LRIG3: variants seen among roughly 807,000 people sequenced by gnomAD.
LRIG3 encodes the protein leucine rich repeats and immunoglobulin like domains 3.
A neutral mutation model predicts 114.5 loss-of-function variants in LRIG3; 76 were observed. That is an observed-to-expected ratio of 0.66 (90% CI 0.55 to 0.80). The LOEUF (loss-of-function observed/expected upper bound fraction) is 0.80, where lower values mean the gene tolerates loss of function less well. Ranked by LOEUF, LRIG3 falls within the 30% of genes least tolerant of loss-of-function variation. LRIG3 has a pLI of 0.00. For missense variants in LRIG3, 1,239 were observed against 1,382.8 expected (o/e 0.90, Z 1.65); for synonymous variants, 512 against 519.8 (o/e 0.98, Z 0.20).
intron 3 of LRIG3, among the ~76,000 whole-genome samples, chr12:58,897,169 G>C (rs1388434870): frequency 2.0e-5 from 3 of 152,256 alleles, no homozygotes; most frequent in Non-Finnish European, 4.4e-5. Context: ...GTTTAGACTG[G>C]TCCATTGGTA....
Position 58,916,150 on chromosome 12 carries a change from G to A in LRIG3, c.237-1814C>T, listed in dbSNP as rs530429540. Among the ~76,000 whole-genome samples the A allele has an allele frequency of 1.0e-3, 156 of 150,818 alleles. 1 individual carries two copies. Among genetic ancestry groups the A allele is most frequent in the African/African-American group, 3.5e-3 (145 of 41,304 alleles). On this transcript the variant is annotated intron_variant, in intron 1 of 18. Transcript: ENST00000320743. ...GGCAATCCTGTGAGAGAAATGAGAC[G>A]GAGTGCTTAACTTTTTTCAACTAGT...
intron 16 of LRIG3, among the ~76,000 whole-genome samples, chr12:58,875,619 T>C (rs1870890501): frequency 1.3e-5 from 2 of 152,240 alleles, no homozygotes; most frequent in African/African-American, 4.8e-5. Context: ...CACCAGAAAG[T>C]ATTGTATGTG....
Position 58,876,599 on chromosome 12 carries a change from C to T in LRIG3, c.2541G>A (p.Glu847=), listed in dbSNP as rs751959000. The change falls in exon 16 of 19, where the codon GAG becomes GAA. Residue 847 remains glutamate (E), a synonymous_variant. Transcript: ENST00000320743. Reference sequence around the variant, plus strand: ...TAGGAATATCTGCTGGCAAGTTGGTCTCATCTGTAATAAAACAGCAGCATT... The same window carrying T: ...TAGGAATATCTGCTGGCAAGTTGGTTTCATCTGTAATAAAACAGCAGCATT... ...NEDCSITNTD[E]TNLPADIPSY... 6.8e-6 allele frequency: 11 copies of T among 1,613,994 alleles called. No homozygotes were observed. The African/African-American group carries it at 1.1e-4, about 16-fold the overall frequency.
intron 12 of LRIG3, among the ~76,000 whole-genome samples, chr12:58,881,226 T>C (rs1871118523): frequency 6.6e-6 from 1 of 152,180 alleles, no homozygotes; most frequent in Non-Finnish European, 1.5e-5. Context: ...GAAAGCAGTT[T>C]AAAAACTTCC....
At chr12:58,889,102 T>C in intron 5 of LRIG3, 140 bp from the exon 6 acceptor site, 1 of 812,550 alleles carries the variant, frequency 1.2e-6, no homozygotes, top group Non-Finnish European at 1.9e-6. Context: ...ACATTTTTAT[T>C]GCAAAGAATT....
intron 3 of LRIG3, among the ~76,000 whole-genome samples, chr12:58,895,818 G>A (rs1871621963): frequency 1.3e-5 from 2 of 152,180 alleles, no homozygotes; most frequent in Admixed American, 6.5e-5. Context: ...AGGATGACGA[G>A]CGACCTTGAT....
In LRIG3 at chr12:58,890,537, A is replaced by T. The variant is rs140739235; in HGVS notation, c.515+128T>A. Reference sequence around the variant, plus strand: ...TTGTGGTCATTCGAGCTTACAGCAAATTTCAAGTCAATAAATTATACTTTC... The same window carrying T: ...TTGTGGTCATTCGAGCTTACAGCAATTTTCAAGTCAATAAATTATACTTTC... On this transcript the variant is annotated intron_variant, in intron 4 of 18. Transcript: ENST00000320743. The T allele has an allele frequency of 3.8e-4, 340 of 893,112 alleles. 5 individuals carry two copies. The African/African-American group carries it at 5.2e-3, about 14-fold the overall frequency. 55.3% of individuals were successfully genotyped at this position (893,112 alleles called of 1,614,324 possible). A position where few individuals can be genotyped will look rare whatever the true frequency, so the allele number is the denominator to read the frequency against.
At position 58,885,843 on chromosome 12, in the gene LRIG3, G is replaced by A; in HGVS notation, c.1232C>T (p.Ala411Val). The change falls in exon 10 of 19, where the codon GCA becomes GTA. Residue 411 changes from alanine to valine, a missense_variant. Physicochemically the swap from Ala to Val is moderately conservative, Grantham distance 64. Coordinates refer to ENST00000320743, the MANE Select transcript of LRIG3 (RefSeq NM_153377.5). Reference sequence around the variant, plus strand: ...TCTAGCTACTCACAGATGCTCCAATGCATCCAAACCAGTGAAGGCTTTTTT... The same window carrying A: ...TCTAGCTACTCACAGATGCTCCAATACATCCAAACCAGTGAAGGCTTTTTT... ...ITKKAFTGLD[A>V]LEHLDLSDNA... 1 of 1,583,538 alleles carries A rather than the reference G, an allele frequency of 6.3e-7. No individual in the cohort carries two copies. The highest frequency in any genetic ancestry group is 2.3e-5 in the East Asian group (1 of 43,542).
At chr12:58,873,009 T>C (rs1348397044) in intron 18 of LRIG3, among the ~76,000 whole-genome samples, 193 bp from the exon 19 acceptor site, 5 of 152,214 alleles carry the variant, frequency 3.3e-5, no homozygotes, top group Admixed American at 1.3e-4. Context: ...CAAAAGACAT[T>C]TGCCTTCCCT....
At chr12:58,894,281 AC>A (rs1451301245) in intron 3 of LRIG3, among the ~76,000 whole-genome samples, 2 of 152,184 alleles carry the variant, frequency 1.3e-5, no homozygotes, top group Non-Finnish European at 2.9e-5. Flanking sequence ...AAAATCCCTT[AC>A]AACTGTGAGA....
chr12:58,885,802 T>C, intron 10 of LRIG3, 29 bp downstream of exon 10: 1 of 1,484,840 alleles, frequency 6.7e-7, no homozygotes, highest in Non-Finnish European at 9.2e-7. Context: ...GAGATTCTCT[T>C]TTAGGGTAAC....
chr12:58,877,725 C>T lies in LRIG3; in HGVS notation c.2211G>A (p.Leu737=), dbSNP rs1481174405. The change falls in exon 15 of 19, where the codon TTG becomes TTA. Residue 737 remains leucine (L), a synonymous_variant. Transcript: ENST00000320743. ...CAAAAAAGTGCCTCTCGGTTACCAC[C>T]AATGGGCTATCATCTTTGGTCCAGT... ...KLNWTKDDSP[L]VVTERHFFAA... 3.7e-6 allele frequency: 6 copies of T among 1,614,194 alleles called. No homozygotes were observed. In the South Asian group the frequency reaches 6.6e-5, roughly 18 times the overall value.
At chr12:58,915,341 C>T (rs143265482) in intron 1 of LRIG3, among the ~76,000 whole-genome samples, 26 of 152,140 alleles carry the variant, frequency 1.7e-4, no homozygotes, top group African/African-American at 6.3e-4. Flanking sequence ...GTGTTTAAAA[C>T]GGAGTTTTTT....
In LRIG3 at chr12:58,883,531, T is replaced by A. The variant is rs1401740006; in HGVS notation, c.1305A>T (p.Lys435Asn). 1.9e-6 allele frequency: 3 copies of A among 1,544,352 alleles called. No homozygotes were observed. Among genetic ancestry groups the A allele is most frequent in the Admixed American group, 1.7e-5 (1 of 58,840 alleles). The change falls in exon 11 of 19, where the codon AAA becomes AAT. Residue 435 changes from lysine to asparagine, a missense_variant. Lys to Asn is a moderately conservative substitution (Grantham distance 94). Coordinates refer to ENST00000320743, the MANE Select transcript of LRIG3 (RefSeq NM_153377.5). ...AAAGAAAAGCTTACAATTGTTGCAG[T>A]TTCTTCATTTGTGAAAATGCATTGC... ...LQGNAFSQMK[K>N]LQQLHLNTSS...
intron 1 of LRIG3, among the ~76,000 whole-genome samples, chr12:58,918,083 C>T (rs376426854): frequency 7.9e-5 from 12 of 152,244 alleles, no homozygotes; most frequent in African/African-American, 2.6e-4. Context: ...TTAAAAGTCA[C>T]AGAAGTACAG....
Position 58,877,859 on chromosome 12 carries a change from TAAC to T in LRIG3, c.2084-10_2084-8del, listed in dbSNP as rs1224598873. The stretch of plus-strand genomic sequence containing the variant: ...CGCAAAAATGATGGTGTTTCTGAAA[TAAC>T]AAGTTATGCTTTTAATTTCCCAAAT... On this transcript the variant is annotated splice_region_variant and splice_polypyrimidine_tract_variant and intron_variant, in intron 14 of 18. Transcript: ENST00000320743. The T allele has an allele frequency of 6.3e-7, 1 of 1,593,464 alleles. No homozygotes were observed.
chr12:58,873,820 C>T (rs1052183452), intron 18 of LRIG3: 3 of 565,176 alleles, frequency 5.3e-6, no homozygotes, highest in African/African-American at 3.8e-5. Context: ...ATGCCACACA[C>T]AGTGCTACCC....
rs750871036 is a variant in LRIG3, at chr12:58,887,770, A to G, written c.1091+19T>C. The stretch of plus-strand genomic sequence containing the variant: ...GAACCAATTACGTTCGAGTACTGAC[A>G]GCAAAACGTGTAACTTACAAAGTCT... On this transcript the variant is annotated intron_variant, in intron 8 of 18. Transcript: ENST00000320743. 7 of 1,611,242 alleles carry G rather than the reference A, an allele frequency of 4.3e-6. No homozygotes were observed. The highest frequency in any genetic ancestry group is 3.4e-5 in the Admixed American group (2 of 59,680).
At chr12:58,907,605 T>C (rs1872114019) in intron 3 of LRIG3, among the ~76,000 whole-genome samples, 1 of 152,200 alleles carries the variant, frequency 6.6e-6, no homozygotes, top group African/African-American at 2.4e-5. Context: ...TTCATGTACA[T>C]TATGCCATTT....
Sources: allele counts gnomAD v4.1 joint callset (sites outside exome capture counted in the v4.1 genomes callset), GRCh38; gene constraint gnomAD v4.1.1; transcripts MANE v1.5; gene names NCBI Gene and HGNC (gene_info 2026-07-23, HGNC 2026-07-21).